Variants in ZFYVE16 observed in about 807,000 individuals in gnomAD.
ZFYVE16 encodes zinc finger FYVE domain-containing protein 16.
ZFYVE16 carries 89 observed loss-of-function variants against 138.1 expected under a neutral mutation model. The observed-to-expected ratio is 0.64, with a 90% CI of 0.54 to 0.77. The LOEUF is 0.77. ZFYVE16 is among the 30% of genes least tolerant of loss of function. ZFYVE16 has a pLI of 0.00. For missense variants in ZFYVE16, 1,793 were observed against 1,786.7 expected (o/e 1.00, Z -0.06); for synonymous variants, 596 against 618.3 (o/e 0.96, Z 0.53).
At chr5:80,415,871 T>A (rs1746140938) in intron 1 of ZFYVE16, among the ~76,000 whole-genome samples, 1 of 152,072 alleles carries the variant, frequency 6.6e-6, no homozygotes, top group Non-Finnish European at 1.5e-5. Flanking sequence ...TTTCGCCATG[T>A]TGATTAGGCT....
intron 15 of ZFYVE16, among the ~76,000 whole-genome samples, chr5:80,465,615 C>T (rs1347898217): frequency 6.6e-6 from 1 of 151,430 alleles, no homozygotes; most frequent in Non-Finnish European, 1.5e-5. Flanking sequence ...CACTGTGTTG[C>T]CCAGGCTGGT....
intron 15 of ZFYVE16, among the ~76,000 whole-genome samples, chr5:80,471,052 T>C (rs1342612119): frequency 6.6e-6 from 1 of 152,114 alleles, no homozygotes; most frequent in African/African-American, 2.4e-5. Context: ...ATCACCAAGA[T>C]TCCTATCCCA....
Position 80,449,598 on chromosome 5 carries a change from A to T in ZFYVE16, c.3111A>T (p.Val1037=). ...ATTACTTTCATCATTTAGTGCCTGT[A>T]GTAGAAGAACATCCATCTCATGAGC... ...VASGEKGSVP[V]VEEHPSHEQI... is the part of the protein sequence containing the mutation. The change falls in exon 9 of 19, where the codon GTA becomes GTT. Residue 1037 remains valine, a synonymous_variant. Transcript: ENST00000505560. The T allele has an allele frequency of 6.2e-7, 1 of 1,607,574 alleles. No homozygotes were observed. The highest frequency in any genetic ancestry group is 8.5e-7 in the Non-Finnish European group (1 of 1,177,726).
Position 80,474,823 on chromosome 5 carries a change from C to CT in ZFYVE16, c.4455dup (p.Asp1486Ter), listed in dbSNP as rs753370297. On this transcript the variant is annotated frameshift_variant, in exon 18 of 19. Coordinates refer to ENST00000505560, the MANE Select transcript of ZFYVE16 (RefSeq NM_001284236.3). LOFTEE classifies it high-confidence loss of function. ...ATTGGACTCAGAGTTTCCATTGACACTGATATGGTGAGGCATGTTTTTGTG... is the reference window on the plus strand; with the variant it reads ...ATTGGACTCAGAGTTTCCATTGACACTTGATATGGTGAGGCATGTTTTTGTG... 3 of 1,610,016 alleles carry CT rather than the reference C, an allele frequency of 1.9e-6. No homozygotes were observed. The Admixed American group carries it at 5.1e-5, about 27-fold the overall frequency.
chr5:80,462,518 T>C (rs375288899), intron 15 of ZFYVE16, among the ~76,000 whole-genome samples: 20 of 152,208 alleles, frequency 1.3e-4, no homozygotes, highest in African/African-American at 4.6e-4. Context: ...GCAGGGATTA[T>C]AGGGATTATG....
chr5:80,434,119 A>T lies in ZFYVE16; in HGVS notation c.-29A>T. 6.2e-7 allele frequency: 1 copy of T among 1,602,350 alleles called. No homozygotes were observed. Among genetic ancestry groups the T allele is most frequent in the Non-Finnish European group, 8.5e-7 (1 of 1,172,598 alleles). ...CTTTCTATTTTTTAGGCATACAAGAATTAAATTCTGAATAAGTCTGCAGGT... is the reference window on the plus strand; with the variant it reads ...CTTTCTATTTTTTAGGCATACAAGATTTAAATTCTGAATAAGTCTGCAGGT... On this transcript the variant is annotated 5_prime_UTR_variant, in exon 3 of 19. Coordinates refer to ENST00000505560, the MANE Select transcript of ZFYVE16 (RefSeq NM_001284236.3).
chr5:80,438,791 C>G lies in ZFYVE16; in HGVS notation c.2106C>G (p.Asn702Lys). The G allele has an allele frequency of 6.2e-7, 1 of 1,614,080 alleles. No homozygotes were observed. The highest frequency in any genetic ancestry group is 8.5e-7 in the Non-Finnish European group (1 of 1,179,966). Residue 702 changes from asparagine (N) to lysine (K), a missense_variant, in exon 4 of 19, where the codon AAC becomes AAG. Asn to Lys is a moderately conservative substitution (Grantham distance 94). Transcript: ENST00000505560. The part of the protein sequence containing the change: ...DSTADPQVSF[N>K]SNYIDIESNS... ...CAGCTGATCCACAGGTTAGCTTCAACTCTAATTACATTGATATAGAAAGTA... is the reference window on the plus strand; with the variant it reads ...CAGCTGATCCACAGGTTAGCTTCAAGTCTAATTACATTGATATAGAAAGTA...
intron 7 of ZFYVE16, among the ~76,000 whole-genome samples, chr5:80,446,073 T>C (rs146279931): frequency 0.01 from 1,590 of 152,048 alleles, 39 homozygotes; most frequent in East Asian, 0.083. Context: ...TTTTTGTATT[T>C]TTAGTAGAGA....
intron 1 of ZFYVE16, chr5:80,410,247 C>G (rs138271035): frequency 1.3e-5 from 2 of 152,158 alleles, no homozygotes; most frequent in East Asian, 3.9e-4. Context: ...GAATCTTTCT[C>G]AGGCTATTGG....
intron 10 of ZFYVE16, among the ~76,000 whole-genome samples, chr5:80,451,002 A>G (rs1390470150): frequency 8.6e-5 from 13 of 151,904 alleles, no homozygotes; most frequent in Admixed American, 8.5e-4. Context: ...AGTAGAGGCA[A>G]GGTTTCACCA....
chr5:80,436,935 A>G lies in ZFYVE16; in HGVS notation c.250A>G (p.Thr84Ala), dbSNP rs145932207. 49 of 1,614,012 alleles carry G rather than the reference A, an allele frequency of 3.0e-5. No homozygotes were observed. Among genetic ancestry groups the G allele is most frequent in the Admixed American group, 1.7e-4 (10 of 59,998 alleles). The part of the protein sequence containing the change: ...GTNESSLNEK[T>A]LKGLTSIQNE... ...AAATGAGAGTTCCCTGAATGAAAAA[A>G]CACTCAAGGGACTTACTTCTATACA... The change falls in exon 4 of 19, where the codon ACA (threonine) becomes GCA (alanine). Residue 84 changes from threonine to alanine, a missense_variant. This residue lies in a region of ZFYVE16 where 1,295 missense variants were observed against 1,204.3 expected (regional missense o/e 1.08). Transcript: ENST00000505560.
chr5:80,434,571 G>A (rs1227697502), intron 3 of ZFYVE16, among the ~76,000 whole-genome samples: 1 of 152,028 alleles, frequency 6.6e-6, no homozygotes, highest in Non-Finnish European at 1.5e-5. Flanking sequence ...CAACCCCCGA[G>A]GCTCAAGCAT....
intron 14 of ZFYVE16, among the ~76,000 whole-genome samples, chr5:80,457,779 G>C (rs1338837754): frequency 1.3e-5 from 2 of 152,006 alleles, no homozygotes; most frequent in Non-Finnish European, 2.9e-5. Flanking sequence ...TGTAATCCCA[G>C]AACTTTGGGA....
chr5:80,423,578 C>G (rs988024914), intron 1 of ZFYVE16, among the ~76,000 whole-genome samples: 3 of 152,094 alleles, frequency 2.0e-5, no homozygotes, highest in African/African-American at 7.2e-5. Context: ...CTCTGTTGCC[C>G]AGGCTGGAGT....
rs1407273689 is a variant in ZFYVE16 at position 80,455,754 on chromosome 5, A to G, written c.3670A>G (p.Thr1224Ala). Residue 1224 changes from threonine to alanine, a missense_variant, in exon 12 of 19, where the codon ACT becomes GCT. Around this residue, in one of 2 missense-constraint regions of ZFYVE16, gnomAD observed 498 missense variants for 582.4 expected, o/e 0.86. Transcript: ENST00000505560. ...RKPLFGEIGH[T>A]IMNLLVDLRN... ...ACCTCTTTTTGGAGAAATAGGACAC[A>G]CTATTATGAACTTACTTGTTGTGAG... 9.5e-6 allele frequency: 15 copies of G among 1,581,586 alleles called. No individual in the cohort carries two copies. Among genetic ancestry groups the G allele is most frequent in the Non-Finnish European group, 1.3e-5 (15 of 1,171,446 alleles).
In ZFYVE16 at chr5:80,426,242, CTG is replaced by C. The variant is rs869080902; in HGVS notation, c.-93-1220_-93-1219del. On this transcript the variant is annotated intron_variant, in intron 1 of 18. Coordinates refer to ENST00000505560, the MANE Select transcript of ZFYVE16 (RefSeq NM_001284236.3). ...TGTGTGTGTGTGTATGTGTGTGTGT[CTG>C]TGTGTGTGTGTGTGTGTGTGTGTGT... Among the ~76,000 whole-genome samples the C allele has an allele frequency of 4.4e-3, 549 of 125,302 alleles. 4 individuals are homozygous for C. Among genetic ancestry groups the C allele is most frequent in the African/African-American group, 0.015 (463 of 30,880 alleles). 82.2% of individuals were successfully genotyped at this position (125,302 alleles called of 152,430 possible). A position where few individuals can be genotyped will look rare whatever the true frequency, so the allele number is the denominator to read the frequency against.
At chr5:80,421,302 T>C (rs1034245307) in intron 1 of ZFYVE16, among the ~76,000 whole-genome samples, 34 of 152,182 alleles carry the variant, frequency 2.2e-4, no homozygotes, top group Admixed American at 3.9e-4. Context: ...TTAGTTTAAT[T>C]AGATCCCATT....
At chr5:80,445,557 TTTACC>T in intron 7 of ZFYVE16, 152 bp downstream of exon 7, 1 of 687,130 alleles carries the variant, frequency 1.5e-6, no homozygotes, top group Non-Finnish European at 2.3e-6. Flanking sequence ...TATTTTAGAT[TTTACC>T]CCCTTTAAAA....
Position 80,473,841 on chromosome 5 carries a change from G to T in ZFYVE16, c.4275G>T (p.Lys1425Asn). 6.2e-7 allele frequency: 1 copy of T among 1,612,794 alleles called. No individual in the cohort carries two copies. Among genetic ancestry groups the T allele is most frequent in the African/African-American group, 1.3e-5 (1 of 75,020 alleles). Residue 1425 changes from lysine to asparagine, a missense_variant, in exon 17 of 19, where the codon AAG becomes AAT. Physicochemically the swap from Lys to Asn is moderately conservative, Grantham distance 94 (BLOSUM62 0). Coordinates refer to ENST00000505560, the MANE Select transcript of ZFYVE16 (RefSeq NM_001284236.3). Reference sequence around the variant, plus strand: ...AAGCAGATTTTGAAACCGATGAGAAGATTGTAAAATGTACCGAGGTAACTA... The same window carrying T: ...AAGCAGATTTTGAAACCGATGAGAATATTGTAAAATGTACCGAGGTAACTA... ...KLEADFETDE[K>N]IVKCTEVFYF...
Sources: allele counts gnomAD v4.1 joint callset (sites outside exome capture counted in the v4.1 genomes callset), GRCh38; gene constraint gnomAD v4.1.1; regional missense constraint gnomAD v4.1.1; transcripts MANE v1.5; gene names NCBI Gene and HGNC (gene_info 2026-07-23, HGNC 2026-07-21).